TMC1: variants seen among roughly 807,000 people sequenced by gnomAD.
TMC1 encodes transmembrane channel like 1, also known as transmembrane channel-like protein 1.
A neutral mutation model predicts 105.8 loss-of-function variants in TMC1; 84 were observed. That is an observed-to-expected ratio of 0.79 (90% CI 0.67 to 0.95). TMC1 has a LOEUF of 0.95. Among genes scored for constraint, TMC1 ranks in the 40% least tolerant of loss-of-function variants. TMC1 has a pLI of 0.00. For missense variants in TMC1, 817 were observed against 914.1 expected (o/e 0.89, Z 1.37); for synonymous variants, 315 against 311.5 (o/e 1.01, Z -0.12).
chr9:72,813,597 C>T (rs1463719643), intron 18 of TMC1, among the ~76,000 whole-genome samples: 1 of 152,186 alleles, frequency 6.6e-6, no homozygotes, highest in Non-Finnish European at 1.5e-5. Context: ...TCTATTATAA[C>T]TGCTAAATGC....
intron 8 of TMC1, among the ~76,000 whole-genome samples, chr9:72,726,740 T>G (rs1010419595): frequency 1.3e-5 from 2 of 152,214 alleles, no homozygotes; most frequent in African/African-American, 2.4e-5. Context: ...ACTAAAGACT[T>G]CTATTAGAAA....
intron 8 of TMC1, among the ~76,000 whole-genome samples, chr9:72,739,699 G>A (rs1468410010): frequency 1.3e-5 from 2 of 151,854 alleles, no homozygotes; most frequent in Non-Finnish European, 2.9e-5. Context: ...ATGTCAGTTT[G>A]ACCTAACCTC....
rs770186250 is a variant in TMC1, at chr9:72,805,494, A to T, written c.1679A>T (p.Asp560Val). 3.7e-6 allele frequency: 6 copies of T among 1,610,080 alleles called. No individual in the cohort carries two copies. In the Admixed American group the frequency reaches 6.7e-5, roughly 18 times the overall value. ...TTTTGCAATTATTGCTGGTGCTGGGACTTGGAGTATGGATATGTAAGTATG... is the reference window on the plus strand; with the variant it reads ...TTTTGCAATTATTGCTGGTGCTGGGTCTTGGAGTATGGATATGTAAGTATG... ...VRFCNYCWCW[D>V]LEYGYPSYTE... Residue 560 changes from aspartate (D) to valine (V), a missense_variant, in exon 18 of 24, where the codon GAC becomes GTC. Physicochemically the swap from Asp to Val is radical, Grantham distance 152. Coordinates refer to ENST00000297784, the MANE Select transcript of TMC1 (RefSeq NM_138691.3).
chr9:72,524,801 T>C (rs1241762248), intron 1 of TMC1, among the ~76,000 whole-genome samples: 16 of 152,164 alleles, frequency 1.1e-4, no homozygotes, highest in Non-Finnish European at 4.4e-5. Flanking sequence ...GGGACCAACC[T>C]CTTGATTTTA....
chr9:72,679,863 A>G (rs1018504562), intron 5 of TMC1, among the ~76,000 whole-genome samples: 1 of 152,090 alleles, frequency 6.6e-6, no homozygotes, highest in Non-Finnish European at 1.5e-5. Context: ...GAGTATGCCT[A>G]TTTCACAGAG....
At chr9:72,545,761 T>C (rs1587948636) in intron 1 of TMC1, among the ~76,000 whole-genome samples, 1 of 152,218 alleles carries the variant, frequency 6.6e-6, no homozygotes. Context: ...GTGCTGGGAT[T>C]ACAGGCGTGA....
At chr9:72,753,499 A>G (rs918955072) in intron 11 of TMC1, among the ~76,000 whole-genome samples, 1 of 152,062 alleles carries the variant, frequency 6.6e-6, no homozygotes, top group African/African-American at 2.4e-5. Flanking sequence ...AAATTACAGA[A>G]TGTCTGCTAT....
chr9:72,683,704 G>A (rs1483660324), intron 5 of TMC1, among the ~76,000 whole-genome samples: 1 of 121,460 alleles, frequency 8.2e-6, no homozygotes, highest in Non-Finnish European at 1.7e-5. Flanking sequence ...ACAGCTGAAG[G>A]TGGTCTGAGT....
intron 18 of TMC1, among the ~76,000 whole-genome samples, chr9:72,807,832 C>T (rs891806034): frequency 4.6e-5 from 7 of 152,224 alleles, no homozygotes; most frequent in Non-Finnish European, 8.8e-5. Context: ...AGTGGTGGAG[C>T]TGAATTCTGG....
chr9:72,567,020 G>A (rs1475462607), intron 1 of TMC1, among the ~76,000 whole-genome samples: 1 of 152,172 alleles, frequency 6.6e-6, no homozygotes, highest in Non-Finnish European at 1.5e-5. Context: ...AAGCTCTCTA[G>A]TGTGGGGGCA....
Position 72,836,856 on chromosome 9 carries a change from C to G in TMC1, c.*883C>G, listed in dbSNP as rs1829133575. ...TGGAGGGAAGAATTCAGCTGAGGGG[C>G]AGAAGTAGGTTTATGGCAGAGGGAG... On this transcript the variant is annotated 3_prime_UTR_variant, in exon 24 of 24. Transcript: ENST00000297784. 6.6e-6 allele frequency: 1 copy of G among 152,030 alleles called. No homozygotes were observed. The allele number at this position is 152,030 out of a possible 1,614,324, so 9.4% of individuals were successfully genotyped here.
At chr9:72,661,092 C>T (rs1029831841) in intron 5 of TMC1, among the ~76,000 whole-genome samples, 2 of 152,022 alleles carry the variant, frequency 1.3e-5, no homozygotes, top group African/African-American at 2.4e-5. Flanking sequence ...GCAGAGGTTG[C>T]AGTGAGCCAA....
chr9:72,623,741 T>C (rs1453561377), intron 3 of TMC1, among the ~76,000 whole-genome samples: 2 of 152,168 alleles, frequency 1.3e-5, no homozygotes, highest in African/African-American at 4.8e-5. Context: ...CAACGTTTTC[T>C]TCCCAAGCTG....
intron 5 of TMC1, among the ~76,000 whole-genome samples, chr9:72,670,468 C>G (rs1029260055): frequency 7.2e-5 from 11 of 152,218 alleles, no homozygotes; most frequent in African/African-American, 1.9e-4. Context: ...ATGAAAATAT[C>G]TAGCAGTCAG....
intron 6 of TMC1, among the ~76,000 whole-genome samples, chr9:72,691,217 A>T (rs1826461538): frequency 6.6e-6 from 1 of 152,106 alleles, no homozygotes; most frequent in South Asian, 2.1e-4. Context: ...GTTGAAACTC[A>T]TACTTTGTTC....
At chr9:72,691,403 T>A (rs1826465171) in intron 6 of TMC1, among the ~76,000 whole-genome samples, 3 of 152,144 alleles carry the variant, frequency 2.0e-5, no homozygotes, top group Non-Finnish European at 4.4e-5. Context: ...TGTTTTGGTA[T>A]CCATATATTA....
Position 72,805,414 on chromosome 9 carries a change from G to T in TMC1, c.1599G>T (p.Leu533=). The T allele has an allele frequency of 6.2e-7, 1 of 1,613,854 alleles. No individual in the cohort carries two copies. The highest frequency in any genetic ancestry group is 1.1e-5 in the South Asian group (1 of 91,042). ...TGAGGCTGACAGTCTCTGATGTTCT[G>T]ACCACCTACGTCACAATCCTCATTG... ...EFVRLTVSDV[L]TTYVTILIGD... is the part of the protein sequence containing the mutation. The change falls in exon 18 of 24, where the codon CTG becomes CTT. Residue 533 remains leucine (L), a synonymous_variant. Transcript: ENST00000297784.
chr9:72,825,949 A>G (rs912262264), intron 20 of TMC1, among the ~76,000 whole-genome samples: 2 of 152,162 alleles, frequency 1.3e-5, no homozygotes, highest in African/African-American at 2.4e-5. Flanking sequence ...ACCAGGAGAA[A>G]AAAACCATAA....
intron 4 of TMC1, among the ~76,000 whole-genome samples, chr9:72,637,624 A>T (rs373832565): frequency 2.0e-5 from 3 of 152,380 alleles, no homozygotes; most frequent in African/African-American, 4.8e-5. Context: ...CAGAGACCAC[A>T]AAGACAATCT....
Sources: allele counts gnomAD v4.1 joint callset (sites outside exome capture counted in the v4.1 genomes callset), GRCh38; gene constraint gnomAD v4.1.1; transcripts MANE v1.5; gene names NCBI Gene and HGNC (gene_info 2026-07-23, HGNC 2026-07-21).